Variants in FAM135B observed in about 807,000 individuals in gnomAD.
The protein encoded by FAM135B is family with sequence similarity 135 member B, also known as protein FAM135B.
Under a neutral mutation model 127.7 loss-of-function variants are expected in FAM135B, and 43 were observed. That is an observed-to-expected ratio of 0.34 (90% CI 0.26 to 0.43). The LOEUF is 0.43. Among genes scored for constraint, FAM135B ranks in the 20% least tolerant of loss-of-function variants. The pLI is 1.00. For missense variants in FAM135B, 1,558 were observed against 1,725.6 expected (o/e 0.90, Z 1.72); for synonymous variants, 670 against 665.1 (o/e 1.01, Z -0.11).
intron 1 of FAM135B, among the ~76,000 whole-genome samples, chr8:138,430,802 G>A (rs1416758964): frequency 6.6e-6 from 1 of 152,114 alleles, no homozygotes; most frequent in African/African-American, 2.4e-5. Flanking sequence ...AAATCTACCA[G>A]AATATAATAA....
intron 1 of FAM135B, among the ~76,000 whole-genome samples, chr8:138,412,424 T>C (rs934913954): frequency 3.9e-5 from 6 of 152,170 alleles, no homozygotes; most frequent in African/African-American, 1.4e-4. Context: ...GGTAATTTGT[T>C]ACACAGCAGA....
At chr8:138,166,562 T>G (rs1041528307) in intron 12 of FAM135B, among the ~76,000 whole-genome samples, 4 of 152,192 alleles carry the variant, frequency 2.6e-5, no homozygotes, top group African/African-American at 4.8e-5. Flanking sequence ...TAAAAGGATG[T>G]ATAACAGAAC....
In FAM135B at chr8:138,489,150, TA is replaced by T. The variant is rs1815106444; in HGVS notation, c.-20+7520del. Among the ~76,000 whole-genome samples the T allele has an allele frequency of 2.0e-5, 3 of 152,190 alleles. No homozygotes were observed. The South Asian group carries it at 6.2e-4, about 32-fold the overall frequency. The stretch of plus-strand genomic sequence containing the variant: ...CAAACTCTTTTCTGAGTTTGATTGA[TA>T]TTGCCTAAAATGTATGTGGATGTCA... On this transcript the variant is annotated intron_variant, in intron 1 of 19. Transcript: ENST00000395297.
chr8:138,226,763 T>C (rs1021037648), intron 7 of FAM135B, among the ~76,000 whole-genome samples: 1 of 152,184 alleles, frequency 6.6e-6, no homozygotes, highest in Admixed American at 6.5e-5. Flanking sequence ...GGTTTCACCA[T>C]GTTGGCCAGG....
chr8:138,155,634 G>C (rs577848012), intron 12 of FAM135B, among the ~76,000 whole-genome samples: 2 of 152,124 alleles, frequency 1.3e-5, no homozygotes. Flanking sequence ...AAAAAAAACA[G>C]GGGTTGCAAT....
intron 17 of FAM135B, among the ~76,000 whole-genome samples, chr8:138,140,373 G>A (rs1044043872): frequency 4.6e-5 from 7 of 152,124 alleles, no homozygotes; most frequent in African/African-American, 9.7e-5. Flanking sequence ...GAACAATCAG[G>A]GACTACTGAG....
Position 138,428,635 on chromosome 8 carries a change from AC to A in FAM135B, c.-19-60634del, listed in dbSNP as rs550893833. On this transcript the variant is annotated intron_variant, in intron 1 of 19. Transcript: ENST00000395297. ...AATGTTGGCAGGAAGCAAACTTAGA[AC>A]CCACTGATTCTTGATACTTTTATGC... Among the ~76,000 whole-genome samples the A allele has an allele frequency of 1.1e-3, 171 of 152,136 alleles. 1 individual carries two copies. The highest frequency in any genetic ancestry group is 3.5e-3 in the African/African-American group (147 of 41,512).
chr8:138,235,647 C>T (rs768962070), intron 7 of FAM135B, among the ~76,000 whole-genome samples: 6 of 152,158 alleles, frequency 3.9e-5, no homozygotes, highest in Admixed American at 1.3e-4. Flanking sequence ...CTCTGTGCCT[C>T]AGTTTCCCCC....
intron 2 of FAM135B, chr8:138,358,671 T>C (rs950085861): frequency 5.3e-5 from 8 of 152,210 alleles, no homozygotes; most frequent in Non-Finnish European, 1.2e-4. Flanking sequence ...GTCTCTTAAA[T>C]GTCTCTGATT....
Position 138,131,355 on chromosome 8 carries a change from C to A in FAM135B, c.*1238G>T, listed in dbSNP as rs1012894630. 6.6e-6 allele frequency: 1 copy of A among 152,190 alleles called. No individual in the cohort carries two copies. The highest frequency in any genetic ancestry group is 1.5e-5 in the Non-Finnish European group (1 of 68,054). The allele number at this position is 152,190 out of a possible 1,614,324, so 9.4% of individuals were successfully genotyped here. A position where few individuals can be genotyped will look rare whatever the true frequency, so the allele number is the denominator to read the frequency against. On this transcript the variant is annotated 3_prime_UTR_variant, in exon 20 of 20. Transcript: ENST00000395297. The stretch of plus-strand genomic sequence containing the variant: ...CTTACTTTAGCCCATACAACATACT[C>A]AGTCTTTGAGACCTGACTATTAAAC...
intron 13 of FAM135B, among the ~76,000 whole-genome samples, chr8:138,149,255 G>C (rs1817924910): frequency 6.6e-6 from 1 of 152,116 alleles, no homozygotes; most frequent in Non-Finnish European, 1.5e-5. Flanking sequence ...GCATTGAACA[G>C]GAGACAGAGT....
Position 138,431,409 on chromosome 8 carries a change from G to A in FAM135B, c.-19-63407C>T, listed in dbSNP as rs1448115115. Among the ~76,000 whole-genome samples, 5 of 152,236 alleles carry A rather than the reference G, an allele frequency of 3.3e-5. No individual in the cohort carries two copies. The South Asian group carries it at 8.3e-4, about 25-fold the overall frequency. ...TGGACATGGTTTCACCTGAAAGAAC[G>A]AGATAATGCTGATTCAAATGGCTTA... is the stretch of plus-strand genomic sequence containing the variant. On this transcript the variant is annotated intron_variant, in intron 1 of 19. Transcript: ENST00000395297.
chr8:138,188,053 G>A (rs1393653644), intron 9 of FAM135B, among the ~76,000 whole-genome samples: 1 of 152,076 alleles, frequency 6.6e-6, no homozygotes, highest in Non-Finnish European at 1.5e-5. Context: ...CTGCTAGGAG[G>A]ATGGTGTACA....
At chr8:138,471,776 A>G (rs941049737) in intron 1 of FAM135B, among the ~76,000 whole-genome samples, 3 of 152,232 alleles carry the variant, frequency 2.0e-5, no homozygotes, top group African/African-American at 7.2e-5. Context: ...AAAGGATCAA[A>G]GTATATACCA....
intron 2 of FAM135B, among the ~76,000 whole-genome samples, chr8:138,317,301 G>T (rs1296271510): frequency 6.6e-6 from 1 of 152,158 alleles, no homozygotes; most frequent in Non-Finnish European, 1.5e-5. Flanking sequence ...GTTTAAAGTT[G>T]CAAAATTATG....
At chr8:138,433,829 T>A (rs987063550) in intron 1 of FAM135B, among the ~76,000 whole-genome samples, 1 of 152,116 alleles carries the variant, frequency 6.6e-6, no homozygotes, top group Non-Finnish European at 1.5e-5. Context: ...GTTGGGACAT[T>A]AGTTAAAACC....
intron 9 of FAM135B, among the ~76,000 whole-genome samples, chr8:138,193,495 C>G (rs966088083): frequency 3.3e-5 from 5 of 152,170 alleles, no homozygotes; most frequent in Non-Finnish European, 5.9e-5. Context: ...TCAGCCTGAT[C>G]TCGTGATGGG....
rs1216194653 is a variant in FAM135B at position 138,146,028 on chromosome 8, C to T, written c.3471G>A (p.Leu1157=). The T allele has an allele frequency of 1.2e-6, 2 of 1,607,334 alleles. No individual in the cohort carries two copies. Among genetic ancestry groups the T allele is most frequent in the Non-Finnish European group, 1.7e-6 (2 of 1,173,912 alleles). ...GCCCCAGTTCTATGAAAGTCTTTAC[C>T]AGCCGGAGGTCTGCACTGTTCCCTA... ...GLDGNSADLR[L]VKTFIELGLP... is the part of the protein sequence containing the mutation. Residue 1157 remains leucine (L), a synonymous_variant, in exon 15 of 20, where the codon CTG becomes CTA. Transcript: ENST00000395297.
intron 11 of FAM135B, among the ~76,000 whole-genome samples, chr8:138,173,130 TA>T (rs61323707): frequency 0.064 from 9,672 of 152,210 alleles, 552 homozygotes; most frequent in East Asian, 0.17. Flanking sequence ...CCCTGGATTT[TA>T]TTTGGGGTAT....
Sources: allele counts gnomAD v4.1 joint callset (sites outside exome capture counted in the v4.1 genomes callset), GRCh38; gene constraint gnomAD v4.1.1; transcripts MANE v1.5; gene names NCBI Gene and HGNC (gene_info 2026-07-23, HGNC 2026-07-21).